ERC1: variants seen among roughly 807,000 people sequenced by gnomAD.
ERC1 encodes the protein ELKS/RAB6-interacting/CAST family member 1, also known as RAB6 interacting protein 2.
A neutral mutation model predicts 132.0 loss-of-function variants in ERC1; 56 were observed. The ratio of observed to expected loss-of-function variants is 0.42; its 90% CI spans 0.34 to 0.53. ERC1 has a LOEUF of 0.53. Ranked by LOEUF, ERC1 falls within the 20% of genes least tolerant of loss-of-function variation. ERC1 has a pLI of 0.03. For missense variants in ERC1, 1,202 were observed against 1,349.9 expected (o/e 0.89, Z 1.72); for synonymous variants, 478 against 476.1 (o/e 1.00, Z -0.05).
intron 16 of ERC1, among the ~76,000 whole-genome samples, chr12:1,373,736 C>T (rs190557978): frequency 2.0e-4 from 31 of 152,230 alleles, no homozygotes; most frequent in Admixed American, 6.5e-5. Flanking sequence ...GCTGAGATCA[C>T]GCCACAGCAC....
At chr12:1,342,758 T>G (rs1016089736) in intron 15 of ERC1, among the ~76,000 whole-genome samples, 5 of 152,106 alleles carry the variant, frequency 3.3e-5, no homozygotes, top group African/African-American at 1.2e-4. Flanking sequence ...CTATAAGAAA[T>G]TTAGTATTGC....
intron 2 of ERC1, among the ~76,000 whole-genome samples, chr12:1,058,822 T>C (rs979055401): frequency 6.8e-6 from 1 of 147,092 alleles, no homozygotes; most frequent in East Asian, 2.0e-4. Context: ...GACGAGGTCT[T>C]GCTCTCTCAT....
intron 2 of ERC1, among the ~76,000 whole-genome samples, chr12:1,050,262 C>T (rs1032069944): frequency 3.3e-5 from 5 of 152,172 alleles, no homozygotes; most frequent in Non-Finnish European, 5.9e-5. Flanking sequence ...AGATCTAAGA[C>T]TTGAAGCAGA....
At chr12:1,296,010 G>GAAAAAA (rs77971645) in intron 15 of ERC1, among the ~76,000 whole-genome samples, 14 of 90,474 alleles carry the variant, frequency 1.5e-4, no homozygotes, top group East Asian at 3.2e-4. Flanking sequence ...TGGTTTAACA[G>GAAAAAA]AAAAAAAAAA....
chr12:1,445,060 A>G (rs2093267043), intron 18 of ERC1: 1 of 267,064 alleles, frequency 3.7e-6, no homozygotes, highest in Admixed American at 4.9e-5. Flanking sequence ...CATGTACAAC[A>G]TGTAATTTTG....
intron 2 of ERC1, among the ~76,000 whole-genome samples, chr12:1,054,876 C>A (rs180871890): frequency 3.3e-5 from 5 of 151,900 alleles, no homozygotes; most frequent in African/African-American, 9.7e-5. Flanking sequence ...ATATGTATAC[C>A]GTGTGTGATT....
At position 1,115,684 on chromosome 12, in the gene ERC1, GT is replaced by G. The variant is rs917503079; in HGVS notation, c.1402-174del. On this transcript the variant is annotated intron_variant, in intron 6 of 18. Coordinates refer to ENST00000360905, the MANE Select transcript of ERC1 (RefSeq NM_178040.4). Reference sequence around the variant, plus strand: ...CCCTATTGGTTGAATAAGTTTAGTGGTTTTTTTTGGCTCAGGGTTGGGGAGA... The same window carrying G: ...CCCTATTGGTTGAATAAGTTTAGTGGTTTTTTTGGCTCAGGGTTGGGGAGA... The G allele has an allele frequency of 3.7e-4, 166 of 442,972 alleles. 1 individual carries two copies. Among genetic ancestry groups the G allele is most frequent in the Admixed American group, 1.5e-3 (36 of 24,822 alleles). The allele number at this position is 442,972 out of a possible 1,614,324, so 27.4% of individuals were successfully genotyped here.
chr12:1,422,611 T>C (rs1002809264), intron 17 of ERC1, among the ~76,000 whole-genome samples: 4 of 152,222 alleles, frequency 2.6e-5, no homozygotes, highest in African/African-American at 9.6e-5. Context: ...GATGGATACT[T>C]AGGTTAGTTC....
At chr12:1,286,300 A>AAG (rs951548451) in intron 14 of ERC1, among the ~76,000 whole-genome samples, 3 of 151,484 alleles carry the variant, frequency 2.0e-5, no homozygotes, top group Non-Finnish European at 4.4e-5. Context: ...TCTCAAAAAA[A>AAG]AAAAAAAAAA....
chr12:1,066,694 G>A (rs982285542), intron 2 of ERC1, among the ~76,000 whole-genome samples: 3 of 152,022 alleles, frequency 2.0e-5, no homozygotes, highest in Admixed American at 6.6e-5. Flanking sequence ...AAAATTATCC[G>A]GGTGTGGTGG....
intron 1 of ERC1, among the ~76,000 whole-genome samples, chr12:1,014,650 G>A (rs1483459679): frequency 4.6e-5 from 7 of 152,088 alleles, no homozygotes; most frequent in Non-Finnish European, 8.8e-5. Context: ...ACACAAATGA[G>A]ATTGCCTCGT....
chr12:1,453,083 G>A (rs2093459683), intron 18 of ERC1, among the ~76,000 whole-genome samples: 1 of 152,278 alleles, frequency 6.6e-6, no homozygotes. Context: ...GCAGTAGACT[G>A]TTCTTGTTAC....
At chr12:1,122,467 C>G (rs1372437612) in intron 7 of ERC1, among the ~76,000 whole-genome samples, 1 of 58,556 alleles carries the variant, frequency 1.7e-5, no homozygotes, top group African/African-American at 9.3e-5. Flanking sequence ...ATCTCTATCT[C>G]TATCTGTGTC....
intron 15 of ERC1, among the ~76,000 whole-genome samples, chr12:1,319,462 A>G (rs1030214233): frequency 2.6e-5 from 4 of 152,172 alleles, no homozygotes; most frequent in Non-Finnish European, 5.9e-5. Context: ...TGTTTCTTAC[A>G]TTGCTTTTTC....
intron 12 of ERC1, among the ~76,000 whole-genome samples, chr12:1,214,203 T>C (rs189377486): frequency 2.8e-4 from 42 of 152,312 alleles, no homozygotes; most frequent in African/African-American, 9.4e-4. Flanking sequence ...TATTTGCTTA[T>C]AATTTCTATA....
chr12:1,160,318 A>G (rs1951771982), intron 8 of ERC1, among the ~76,000 whole-genome samples: 1 of 152,224 alleles, frequency 6.6e-6, no homozygotes, highest in Non-Finnish European at 1.5e-5. Flanking sequence ...CAACAATTCT[A>G]AAAGCTTTTT....
intron 2 of ERC1, among the ~76,000 whole-genome samples, chr12:1,072,013 A>C (rs552916427): frequency 1.5e-4 from 23 of 152,030 alleles, no homozygotes; most frequent in African/African-American, 5.3e-4. Context: ...AGGTATGAGA[A>C]TCGCTTGAAC....
At chr12:1,167,234 A>G (rs371549689) in intron 8 of ERC1, among the ~76,000 whole-genome samples, 7 of 152,250 alleles carry the variant, frequency 4.6e-5, no homozygotes, top group East Asian at 1.9e-4. Context: ...ACACAGACAC[A>G]TATCTAGAAA....
intron 12 of ERC1, among the ~76,000 whole-genome samples, chr12:1,234,302 C>T (rs1473575489): frequency 2.0e-5 from 3 of 152,206 alleles, no homozygotes; most frequent in Non-Finnish European, 2.9e-5. Context: ...CAGTGAGCCA[C>T]AGATCCCAGT....
Sources: allele counts gnomAD v4.1 joint callset (sites outside exome capture counted in the v4.1 genomes callset), GRCh38; gene constraint gnomAD v4.1.1; transcripts MANE v1.5; gene names NCBI Gene and HGNC (gene_info 2026-07-23, HGNC 2026-07-21).